Variants in VRK2 observed in about 807,000 individuals in gnomAD.
VRK2 encodes serine/threonine-protein kinase VRK2.
In VRK2, 60 loss-of-function variants were observed where a neutral mutation model predicts 57.6. The observed-to-expected ratio is 1.04, with a 90% confidence interval of 0.85 to 1.29. The LOEUF (loss-of-function observed/expected upper bound fraction) is 1.29. Among genes scored for constraint, VRK2 ranks in the 50% most tolerant of loss-of-function variants. The pLI is 0.00. For missense variants in VRK2, 705 were observed against 588.1 expected (o/e 1.20, Z -2.06); for synonymous variants, 231 against 199.2 (o/e 1.16, Z -1.35).
intron 1 of VRK2, among the ~76,000 whole-genome samples, chr2:57,931,791 G>A (rs983258765): frequency 2.7e-5 from 4 of 148,442 alleles, no homozygotes; most frequent in African/African-American, 9.9e-5. Flanking sequence ...TTTTGTGTGT[G>A]GTGTAACATA....
intron 2 of VRK2, among the ~76,000 whole-genome samples, chr2:58,072,984 C>T (rs561283697): frequency 1.3e-4 from 20 of 152,172 alleles, no homozygotes; most frequent in African/African-American, 4.6e-4. Context: ...CCTTTAAGCA[C>T]TACTTCTGCT....
At chr2:58,057,074 C>A (rs1467121920) in intron 2 of VRK2, among the ~76,000 whole-genome samples, 1 of 152,074 alleles carries the variant, frequency 6.6e-6, no homozygotes, top group African/African-American at 2.4e-5. Flanking sequence ...TAACCTGTTT[C>A]CCCCAACATG....
intron 3 of VRK2, among the ~76,000 whole-genome samples, chr2:58,040,078 A>AT (rs771908244): frequency 7.9e-5 from 12 of 151,582 alleles, no homozygotes; most frequent in East Asian, 1.9e-4. Context: ...CACCTGGCTA[A>AT]TTTTTTTTAC....
intron 1 of VRK2, among the ~76,000 whole-genome samples, chr2:57,999,457 T>C (rs904476541): frequency 6.6e-5 from 10 of 152,190 alleles, no homozygotes; most frequent in African/African-American, 2.4e-4. Context: ...GTGAGCAATA[T>C]TGAATTAATC....
intron 1 of VRK2, among the ~76,000 whole-genome samples, chr2:57,951,626 C>T (rs1462363240): frequency 1.3e-5 from 2 of 152,174 alleles, no homozygotes; most frequent in Admixed American, 6.6e-5. Context: ...TTGCCACAGC[C>T]ACCCTAATCT....
upstream of VRK2, among the ~76,000 whole-genome samples, chr2:58,045,703 T>A (rs1282833765): frequency 6.6e-6 from 1 of 151,668 alleles, no homozygotes; most frequent in Non-Finnish European, 1.5e-5. Context: ...TCTATCAAAG[T>A]CATTAAAGGG....
In VRK2 at chr2:58,139,593, AT is replaced by A; in HGVS notation, c.857-69del. On this transcript the variant is annotated intron_variant, in intron 10 of 12. Coordinates refer to ENST00000340157, the MANE Select transcript of VRK2 (RefSeq NM_006296.7). ...TGTGTAAAAGACAAAGATAACAAAGATTTTGAGATTACTGGAGTCTTGACAA... is the reference window on the plus strand; with the variant it reads ...TGTGTAAAAGACAAAGATAACAAAGATTTGAGATTACTGGAGTCTTGACAA... 11 of 1,333,548 alleles carry A rather than the reference AT, an allele frequency of 8.2e-6. 1 individual carries two copies. In the South Asian group the frequency reaches 1.5e-4, roughly 19 times the overall value. 82.6% of individuals were successfully genotyped at this position (1,333,548 alleles called of 1,614,324 possible).
intron 1 of VRK2, among the ~76,000 whole-genome samples, chr2:58,047,758 G>A (rs956661553): frequency 2.6e-5 from 4 of 152,090 alleles, no homozygotes; most frequent in African/African-American, 9.7e-5. Flanking sequence ...TCAGGAGGAA[G>A]GTGAATATTG....
At chr2:57,937,582 C>T (rs184985554) in intron 1 of VRK2, among the ~76,000 whole-genome samples, 1 of 152,294 alleles carries the variant, frequency 6.6e-6, no homozygotes, top group East Asian at 1.9e-4. Flanking sequence ...TTGAACTAAG[C>T]ATTGCTATTT....
chr2:58,034,450 A>G (rs1477790119), intron 3 of VRK2, among the ~76,000 whole-genome samples: 1 of 152,020 alleles, frequency 6.6e-6, no homozygotes, highest in East Asian at 1.9e-4. Context: ...CTGACTACTG[A>G]AATCAGCTCC....
Position 58,131,855 on chromosome 2 carries a change from C to T in VRK2, c.724C>T (p.Arg242Trp), listed in dbSNP as rs779052033. 28 of 1,613,906 alleles carry T rather than the reference C, an allele frequency of 1.7e-5. No individual in the cohort carries two copies. Among genetic ancestry groups the T allele is most frequent in the Non-Finnish European group, 2.3e-5 (27 of 1,179,972 alleles). The stretch of plus-strand genomic sequence containing the variant: ...TGAGATCCTCGGCTACTGCATGCTG[C>T]GGTGGTTGTGTGGGAAACTTCCCTG... ...DVEILGYCML[R>W]WLCGKLPWEQ... The change falls in exon 9 of 13, where the codon CGG becomes TGG. Residue 242 changes from arginine (R) to tryptophan (W), a missense_variant. By Grantham distance (101) the Arg-to-Trp change is moderately radical. Transcript: ENST00000340157.
intron 1 of VRK2, among the ~76,000 whole-genome samples, chr2:57,962,019 C>A (rs1200247822): frequency 6.6e-6 from 1 of 152,114 alleles, no homozygotes; most frequent in Non-Finnish European, 1.5e-5. Flanking sequence ...TCAGGCTATA[C>A]TAAGCCGTGA....
At chr2:58,144,632 T>TG (rs1473882585) in intron 11 of VRK2, among the ~76,000 whole-genome samples, 2 of 152,006 alleles carry the variant, frequency 1.3e-5, no homozygotes, top group Admixed American at 1.3e-4. Flanking sequence ...GCAAGAACCA[T>TG]GGGAGACCCT....
intron 1 of VRK2, among the ~76,000 whole-genome samples, chr2:57,935,041 T>A (rs1670860616): frequency 6.6e-6 from 1 of 152,226 alleles, no homozygotes; most frequent in South Asian, 2.1e-4. Context: ...AAACAATTAT[T>A]TTGAATTCTT....
intron 1 of VRK2, among the ~76,000 whole-genome samples, chr2:57,939,417 C>T (rs1339935542): frequency 6.6e-6 from 1 of 152,134 alleles, no homozygotes; most frequent in East Asian, 1.9e-4. Flanking sequence ...TCATCTCCAG[C>T]TACCAGCCAC....
At chr2:57,982,919 C>T (rs1472350545) in intron 1 of VRK2, among the ~76,000 whole-genome samples, 1 of 152,230 alleles carries the variant, frequency 6.6e-6, no homozygotes, top group African/African-American at 2.4e-5. Flanking sequence ...AGATAGTTCT[C>T]CTTGACAGCT....
chr2:57,961,623 ACCCC>A (rs10588765), intron 1 of VRK2, among the ~76,000 whole-genome samples: 1 of 95,822 alleles, frequency 1.0e-5, no homozygotes, highest in Non-Finnish European at 2.2e-5. Flanking sequence ...CACTGTACCC[ACCCC>A]CCCCCCCACT....
At chr2:57,956,901 T>C (rs140866641) in intron 1 of VRK2, among the ~76,000 whole-genome samples, 1 of 152,306 alleles carries the variant, frequency 6.6e-6, no homozygotes, top group East Asian at 1.9e-4. Context: ...TATGCAAATG[T>C]AGTTTGGGAT....
At chr2:58,137,059 A>G (rs1317419522) in intron 10 of VRK2, among the ~76,000 whole-genome samples, 1 of 122,536 alleles carries the variant, frequency 8.2e-6, no homozygotes, top group Non-Finnish European at 1.6e-5. Context: ...ATATGTGTAT[A>G]TATCATATAT....
Sources: gnomAD v4.1 joint callset for allele counts (sites outside exome capture counted in the v4.1 genomes callset) on GRCh38, gnomAD v4.1.1 for gene constraint, MANE v1.5 for transcripts, NCBI Gene and HGNC (gene_info 2026-07-23, HGNC 2026-07-21) for gene names.